The following DNMT3A variants were observed in gnomAD, a reference collection of about 807,000 sequenced individuals.
DNMT3A encodes the protein DNA methyltransferase 3 alpha.
A neutral mutation model predicts 117.6 loss-of-function variants in DNMT3A; 267 were observed. The observed-to-expected ratio is 2.27, with a 90% CI of 2.05 to 2.51. The LOEUF (loss-of-function observed/expected upper bound fraction) is 2.51, where lower values mean the gene tolerates loss of function less well. DNMT3A is among the 30% of genes most tolerant of loss of function. DNMT3A has a pLI of 0.00. For missense variants in DNMT3A, 1,029 were observed against 1,260.2 expected (o/e 0.82, Z 2.78); for synonymous variants, 432 against 474.8 (o/e 0.91, Z 1.17).
intron 20 of DNMT3A, 104 bp downstream of exon 20, chr2:25,239,026 C>A: frequency 1.1e-6 from 1 of 911,272 alleles, no homozygotes; most frequent in Non-Finnish European, 1.7e-6. Flanking sequence ...AGTCATTCAG[C>A]AGAGGCCGGC....
chr2:25,280,277 A>C (rs2031781707), intron 4 of DNMT3A, among the ~76,000 whole-genome samples: 2 of 150,244 alleles, frequency 1.3e-5, no homozygotes, highest in Middle Eastern at 3.2e-3. Flanking sequence ...TGATTACATC[A>C]CACACACTGC....
chr2:25,273,121 C>T (rs2031084956), intron 6 of DNMT3A, among the ~76,000 whole-genome samples: 1 of 151,796 alleles, frequency 6.6e-6, no homozygotes. Flanking sequence ...ATTACAGGCG[C>T]CTGCCACCAT....
chr2:25,299,123 G>A (rs1484002732), intron 3 of DNMT3A, among the ~76,000 whole-genome samples: 1 of 152,202 alleles, frequency 6.6e-6, no homozygotes, highest in South Asian at 2.1e-4. Context: ...GCTGGAAGGG[G>A]GGTAAAAGAA....
chr2:25,250,353 C>G (rs1675362425), intron 6 of DNMT3A, among the ~76,000 whole-genome samples: 1 of 152,196 alleles, frequency 6.6e-6, no homozygotes, highest in African/African-American at 2.4e-5. Flanking sequence ...AGTCCTAGTT[C>G]TTCCTCTGAC....
At chr2:25,239,374 C>T (rs554424392) in intron 19 of DNMT3A, 159 bp from the exon 20 acceptor site, 2 of 683,330 alleles carry the variant, frequency 2.9e-6, no homozygotes, top group East Asian at 2.8e-5. Context: ...GCTGGAATTA[C>T]ACCTAGCCAC....
At chr2:25,239,657 G>A (rs752415519) in intron 19 of DNMT3A, 13 of 452,868 alleles carry the variant, frequency 2.9e-5, no homozygotes, top group East Asian at 5.0e-5. Context: ...GAGTATGGGT[G>A]TGTTTACCAT....
Position 25,244,654 on chromosome 2 carries a change from T to A in DNMT3A, c.1555-2A>T. The A allele has an allele frequency of 6.2e-7, 1 of 1,613,874 alleles. No homozygotes were observed. The highest frequency in any genetic ancestry group is 8.5e-7 in the Non-Finnish European group (1 of 1,179,836). On this transcript the variant is annotated splice_acceptor_variant, in intron 13 of 22. Transcript: ENST00000321117. LOFTEE classifies it high-confidence loss of function. ...GTACGCACACTCCAGAAAGCAGTTC[T>A]AGACAGCAGCGGGAAGGGTCAGAAA...
chr2:25,300,210 C>T lies in DNMT3A; in HGVS notation c.106G>A (p.Glu36Lys). The change falls in exon 3 of 23, where the codon GAG (glutamate) becomes AAG (lysine). Residue 36 changes from glutamate to lysine, a missense_variant. Transcript: ENST00000321117. ...GTGGTGCTGGGCTCTTGGCGCTCCTCCTTGCCACGCGGCTCCTCCTGCTCC... is the reference window on the plus strand; with the variant it reads ...GTGGTGCTGGGCTCTTGGCGCTCCTTCTTGCCACGCGGCTCCTCCTGCTCC... Reference protein sequence around the residue: ...GEEQEEPRGKEERQEPSTTAR... With the variant: ...GEEQEEPRGKKERQEPSTTAR... 1 of 1,610,952 alleles carries T rather than the reference C, an allele frequency of 6.2e-7. No individual in the cohort carries two copies. Among genetic ancestry groups the T allele is most frequent in the Middle Eastern group, 1.7e-4 (1 of 6,060 alleles).
rs2031990046 is a variant in DNMT3A at position 25,282,849 on chromosome 2, C to A, written c.178-138G>T. On this transcript the variant is annotated intron_variant, in intron 3 of 22. Transcript: ENST00000321117. The surrounding 1 kb of genome is among the most constrained non-coding windows in gnomAD (Gnocchi z 5.2). ...AACTGTGTTCATATAAACCTTCATG[C>A]AAACAGATACATTCACAATTTTGCT... 1.6e-5 allele frequency: 17 copies of A among 1,078,476 alleles called. No homozygotes were observed. In the South Asian group the frequency reaches 3.1e-4, roughly 20 times the overall value. The allele number at this position is 1,078,476 out of a possible 1,614,324, so 66.8% of individuals were successfully genotyped here.
intron 1 of DNMT3A, among the ~76,000 whole-genome samples, chr2:25,329,888 G>A (rs2034950820): frequency 6.6e-6 from 1 of 152,184 alleles, no homozygotes; most frequent in Non-Finnish European, 1.5e-5. Flanking sequence ...CACACGCGTT[G>A]CACATTTCAC....
At chr2:25,307,683 C>G (rs1267473795) in intron 2 of DNMT3A, among the ~76,000 whole-genome samples, 1 of 152,144 alleles carries the variant, frequency 6.6e-6, no homozygotes, top group Admixed American at 6.5e-5. Flanking sequence ...CCAGGCTGGT[C>G]TCCAACTCCT....
rs1209963059 is a variant in DNMT3A at position 25,229,801 on chromosome 2, A to AAAACT, written c.*4473_*4477dup. 6.6e-6 allele frequency: 1 copy of AAAACT among 152,276 alleles called. No individual in the cohort carries two copies. Among genetic ancestry groups the AAAACT allele is most frequent in the African/African-American group, 2.4e-5 (1 of 41,478 alleles). The allele number at this position is 152,276 out of a possible 1,614,324, so 9.4% of individuals were successfully genotyped here. On this transcript the variant is annotated 3_prime_UTR_variant, in exon 23 of 23. Transcript: ENST00000321117. The stretch of plus-strand genomic sequence containing the variant: ...CCAAATGTACTCTATTTATATAAGC[A>AAAACT]AAACTATGAAATGAATGACTGCAGT...
intron 1 of DNMT3A, among the ~76,000 whole-genome samples, chr2:25,322,946 A>T (rs931651823): frequency 6.6e-6 from 1 of 151,834 alleles, no homozygotes; most frequent in Non-Finnish European, 1.5e-5. Context: ...TTTCTGTAGC[A>T]GGTCCTTCTC....
chr2:25,281,879 A>T lies in DNMT3A; in HGVS notation c.448+562T>A, dbSNP rs1031774283. ...GCCCTCTCCCCACGCCACTGTCACAACCAAATTTCCAGTTGAGTCAGCCCA... is the reference window on the plus strand; with the variant it reads ...GCCCTCTCCCCACGCCACTGTCACATCCAAATTTCCAGTTGAGTCAGCCCA... On this transcript the variant is annotated intron_variant, in intron 4 of 22. Coordinates refer to ENST00000321117, the MANE Select transcript of DNMT3A (RefSeq NM_022552.5). The surrounding 1 kb of genome is among the most constrained non-coding windows in gnomAD (Gnocchi z 4.8). 5.4e-5 allele frequency: 58 copies of T among 1,070,324 alleles called. No homozygotes were observed. Among genetic ancestry groups the T allele is most frequent in the Non-Finnish European group, 6.2e-5 (55 of 882,378 alleles). 66.3% of individuals were successfully genotyped at this position (1,070,324 alleles called of 1,614,324 possible).
At chr2:25,264,830 A>G (rs2030143553) in intron 6 of DNMT3A, among the ~76,000 whole-genome samples, 1 of 152,176 alleles carries the variant, frequency 6.6e-6, no homozygotes, top group African/African-American at 2.4e-5. Context: ...AGGTCTGAGA[A>G]TTCACTCAAA....
intron 19 of DNMT3A, 173 bp from the exon 20 acceptor site, chr2:25,239,388 C>T: frequency 1.5e-6 from 1 of 673,630 alleles, no homozygotes; most frequent in South Asian, 1.5e-5. Flanking sequence ...TAGCCACATT[C>T]CACAAGCTGT....
intron 3 of DNMT3A, among the ~76,000 whole-genome samples, chr2:25,290,365 G>C (rs897907646): frequency 6.8e-6 from 1 of 146,990 alleles, no homozygotes; most frequent in African/African-American, 2.6e-5. Context: ...CTGTTCTCCA[G>C]GCTGGAGTGC....
chr2:25,318,174 C>A (rs2034456102), intron 1 of DNMT3A, among the ~76,000 whole-genome samples: 1 of 152,192 alleles, frequency 6.6e-6, no homozygotes, highest in Non-Finnish European at 1.5e-5. Context: ...GATGCCAATA[C>A]CAACATCAGT....
In DNMT3A at chr2:25,229,206, C is replaced by T. The variant is rs1022148604; in HGVS notation, c.*5073G>A. The T allele has an allele frequency of 2.6e-5, 4 of 152,366 alleles. No homozygotes were observed. The highest frequency in any genetic ancestry group is 9.6e-5 in the African/African-American group (4 of 41,464). 9.4% of individuals were successfully genotyped at this position (152,366 alleles called of 1,614,324 possible). A position where few individuals can be genotyped will look rare whatever the true frequency, so the allele number is the denominator to read the frequency against. On this transcript the variant is annotated 3_prime_UTR_variant, in exon 23 of 23. Transcript: ENST00000321117. ...TTACCAAAACGTAAAGATTCCAGAG[C>T]TCACACTACAACAGCAGAGTCCATC...
Sources: gnomAD v4.1 joint callset for allele counts (sites outside exome capture counted in the v4.1 genomes callset) on GRCh38, gnomAD v4.1.1 for gene constraint, Gnocchi (gnomAD v3.1) non-coding constraint, MANE v1.5 for transcripts, NCBI Gene and HGNC (gene_info 2026-07-23, HGNC 2026-07-21) for gene names.